PTPRN2: variants seen among roughly 807,000 people sequenced by gnomAD.
The protein encoded by PTPRN2 is protein tyrosine phosphatase receptor type N2, also known as receptor-type tyrosine-protein phosphatase N2.
A neutral mutation model predicts 118.8 loss-of-function variants in PTPRN2; 74 were observed. The ratio of observed to expected loss-of-function variants is 0.62; its 90% CI spans 0.52 to 0.76. The LOEUF is 0.76. Ranked by LOEUF, PTPRN2 falls within the 30% of genes least tolerant of loss-of-function variation. The probability of loss-of-function intolerance (pLI) is 0.00; values close to 1 mark genes in which losing one functional copy is unlikely to be tolerated. For missense variants in PTPRN2, 1,481 were observed against 1,394.4 expected (o/e 1.06, Z -0.99); for synonymous variants, 641 against 608.0 (o/e 1.05, Z -0.80).
intron 12 of PTPRN2, among the ~76,000 whole-genome samples, chr7:157,751,477 G>A (rs116813387): frequency 0.011 from 1,751 of 152,288 alleles, 39 homozygotes; most frequent in African/African-American, 0.039. Flanking sequence ...CCGGCAGCTC[G>A]CAGGAGTGGC....
At chr7:158,554,798 A>C (rs1826870174) in intron 1 of PTPRN2, among the ~76,000 whole-genome samples, 1 of 152,052 alleles carries the variant, frequency 6.6e-6, no homozygotes, top group African/African-American at 2.4e-5. Context: ...GCGCAGGAGC[A>C]CAGCCCCTCC....
intron 2 of PTPRN2, among the ~76,000 whole-genome samples, chr7:158,484,233 A>AGCCCTCTCAGAG (rs1359800471): frequency 6.6e-6 from 1 of 152,174 alleles, no homozygotes; most frequent in Non-Finnish European, 1.5e-5. Context: ...GCCTCTCAGT[A>AGCCCTCTCAGAG]CCACCAAAGG....
chr7:158,070,027 C>T (rs145425320), intron 11 of PTPRN2, among the ~76,000 whole-genome samples: 201 of 152,332 alleles, frequency 1.3e-3, no homozygotes, highest in African/African-American at 4.6e-3. Context: ...AAACTCCAAG[C>T]TCTTGTTTTT....
chr7:158,169,417 A>AGT (rs375257745), intron 5 of PTPRN2, among the ~76,000 whole-genome samples: 30,601 of 136,320 alleles, frequency 0.22, 3,312 homozygotes, highest in Middle Eastern at 0.27. Context: ...TGCTTTTGTG[A>AGT]GTGTGTGTGT....
intron 11 of PTPRN2, among the ~76,000 whole-genome samples, chr7:158,041,921 C>G (rs1283443267): frequency 1.3e-5 from 2 of 152,184 alleles, no homozygotes; most frequent in African/African-American, 4.8e-5. Flanking sequence ...CCATGTCAGG[C>G]TCCTTTACTA....
intron 15 of PTPRN2, among the ~76,000 whole-genome samples, chr7:157,620,271 C>T (rs564365546): frequency 2.4e-4 from 37 of 152,234 alleles, no homozygotes; most frequent in Admixed American, 5.2e-4. Flanking sequence ...GTGAGGTGGA[C>T]GCCAGCGCCG....
intron 11 of PTPRN2, chr7:158,029,231 TCCGTATCCTCTCGCC>T (rs1163792221): frequency 1.3e-5 from 2 of 151,052 alleles, no homozygotes; most frequent in Non-Finnish European, 2.9e-5. Context: ...GGGCACGGGG[TCCGTATCCTCTCGCC>T]GGGGGCACGG....
intron 11 of PTPRN2, among the ~76,000 whole-genome samples, chr7:158,034,183 G>C (rs1282227718): frequency 2.1e-5 from 3 of 139,842 alleles, no homozygotes; most frequent in Non-Finnish European, 3.0e-5. Context: ...AGCGTCCCTG[G>C]TCAGCAATGC....
At position 158,587,669 on chromosome 7, in the gene PTPRN2, TC is replaced by T. The variant is rs1227311154; in HGVS notation, c.-1del. Reference sequence around the variant, plus strand: ...AGCAGCAGCGGGAGCGGCGGCCCCATCCCCGCGGCCTGGCCGGCGGCGCTCA... The same window carrying T: ...AGCAGCAGCGGGAGCGGCGGCCCCATCCCGCGGCCTGGCCGGCGGCGCTCA... On this transcript the variant is annotated 5_prime_UTR_variant, in exon 1 of 23. Transcript: ENST00000389418. The T allele has an allele frequency of 3.8e-6, 5 of 1,325,962 alleles. No homozygotes were observed. The African/African-American group carries it at 6.3e-5, about 17-fold the overall frequency. The allele number at this position is 1,325,962 out of a possible 1,614,324, so 82.1% of individuals were successfully genotyped here. A position where few individuals can be genotyped will look rare whatever the true frequency, so the allele number is the denominator to read the frequency against.
At chr7:158,464,273 A>G (rs1819230707) in intron 2 of PTPRN2, among the ~76,000 whole-genome samples, 1 of 14,574 alleles carries the variant, frequency 6.9e-5, no homozygotes, top group Non-Finnish European at 1.3e-4. Context: ...CACCATCATC[A>G]TCCTTACCAT....
intron 12 of PTPRN2, among the ~76,000 whole-genome samples, chr7:157,789,519 C>T (rs774400358): frequency 6.6e-6 from 1 of 152,240 alleles, no homozygotes. Flanking sequence ...AAGGGGCGGC[C>T]TGGGCTTCTC....
Position 158,110,812 on chromosome 7 carries a change from C to T in PTPRN2, c.1643+17G>A, listed in dbSNP as rs3800860. On this transcript the variant is annotated intron_variant, in intron 10 of 22. Coordinates refer to ENST00000389418, the MANE Select transcript of PTPRN2 (RefSeq NM_002847.5). ...AGCAACAGGAGCCAAACAGAAACCC[C>T]AGGGCCCCGTACTTACTCCACGTCA... The T allele has an allele frequency of 0.33, 517,748 of 1,565,006 alleles. 90,086 individuals are homozygous for T. Among genetic ancestry groups the T allele is most frequent in the Middle Eastern group, 0.37 (2,216 of 5,992 alleles).
At chr7:158,412,426 CT>C (rs1465099145) in intron 2 of PTPRN2, among the ~76,000 whole-genome samples, 8 of 104,380 alleles carry the variant, frequency 7.7e-5, no homozygotes, top group African/African-American at 1.2e-4. Context: ...CAGGGCCCAT[CT>C]CAGCACCCTC....
intron 5 of PTPRN2, among the ~76,000 whole-genome samples, chr7:158,169,417 A>AGTGTGTGTGTGTGTGT (rs375257745): frequency 6.6e-5 from 9 of 136,526 alleles, no homozygotes; most frequent in Middle Eastern, 3.6e-3. Flanking sequence ...TGCTTTTGTG[A>AGTGTGTGTGTGTGTGT]GTGTGTGTGT....
At chr7:158,479,751 G>C (rs1181779305) in intron 2 of PTPRN2, among the ~76,000 whole-genome samples, 4 of 152,212 alleles carry the variant, frequency 2.6e-5, no homozygotes, top group Non-Finnish European at 5.9e-5. Context: ...TGCCTGTGGG[G>C]GTGGGCAGAA....
At chr7:157,957,808 A>T (rs1801278949) in intron 11 of PTPRN2, among the ~76,000 whole-genome samples, 2 of 152,208 alleles carry the variant, frequency 1.3e-5, no homozygotes, top group South Asian at 4.1e-4. Context: ...AAATTTTACC[A>T]AACATTTAAA....
chr7:157,571,509 A>C lies in PTPRN2; in HGVS notation c.2784-16T>G. The C allele has an allele frequency of 6.3e-7, 1 of 1,592,966 alleles. No homozygotes were observed. The highest frequency in any genetic ancestry group is 8.6e-7 in the Non-Finnish European group (1 of 1,164,468). ...GTTTACTTTTCTGAAATAAAAAGAG[A>C]TATAAAAATTATCGTTGTGTACTAA... On this transcript the variant is annotated splice_polypyrimidine_tract_variant and intron_variant, in intron 19 of 22. Coordinates refer to ENST00000389418, the MANE Select transcript of PTPRN2 (RefSeq NM_002847.5).
intron 3 of PTPRN2, among the ~76,000 whole-genome samples, chr7:158,251,463 G>A (rs905671876): frequency 1.1e-4 from 17 of 151,948 alleles, no homozygotes; most frequent in Non-Finnish European, 1.6e-4. Context: ...GTGTGCAGGT[G>A]TGCAATGGAT....
rs776899503 is a variant in PTPRN2, at chr7:157,550,028, C to A, written c.2903-1009G>T. ...CCGCAGCCATTGGAACCCCAACTAC[C>A]GTGGGCAGGACAGCGCTGGCCGAAG... On this transcript the variant is annotated intron_variant, in intron 21 of 22. Coordinates refer to ENST00000389418, the MANE Select transcript of PTPRN2 (RefSeq NM_002847.5). This position sits in a 1 kb window ranked among gnomAD's most constrained non-coding sequence, Gnocchi z 5.2. Among the ~76,000 whole-genome samples the A allele has an allele frequency of 6.6e-6, 1 of 152,232 alleles. No individual in the cohort carries two copies. Among genetic ancestry groups the A allele is most frequent in the Non-Finnish European group, 1.5e-5 (1 of 68,044 alleles).
Sources: allele counts gnomAD v4.1 joint callset (sites outside exome capture counted in the v4.1 genomes callset), GRCh38; gene constraint gnomAD v4.1.1; non-coding constraint Gnocchi (gnomAD v3.1); transcripts MANE v1.5; gene names NCBI Gene and HGNC (gene_info 2026-07-23, HGNC 2026-07-21).